The following FRY variants were observed in gnomAD, a reference collection of about 807,000 sequenced individuals.
FRY encodes FRY microtubule binding protein, also known as protein furry homolog.
A neutral mutation model predicts 348.4 loss-of-function variants in FRY; 128 were observed. The observed-to-expected ratio is 0.37, with a 90% CI of 0.32 to 0.43. FRY has a LOEUF of 0.43. Ranked by LOEUF, FRY falls within the 20% of genes least tolerant of loss-of-function variation. FRY has a pLI of 1.00. For synonymous variants in FRY, 1,370 were observed against 1,374.7 expected, an observed-to-expected ratio of 1.00 and a Z score of 0.08; for missense variants, 2,736 against 3,695.2, an observed-to-expected ratio of 0.74 and a Z score of 6.73.
intron 14 of FRY, among the ~76,000 whole-genome samples, chr13:32,155,137 G>A (rs1183159428): frequency 6.6e-6 from 1 of 152,070 alleles, no homozygotes; most frequent in African/African-American, 2.4e-5. Flanking sequence ...CTTCTTCCAG[G>A]AGACGTATGA....
At chr13:32,087,271 T>C (rs1444097487) in intron 2 of FRY, among the ~76,000 whole-genome samples, 1 of 152,230 alleles carries the variant, frequency 6.6e-6, no homozygotes, top group Non-Finnish European at 1.5e-5. Flanking sequence ...GCCAGGCAAT[T>C]AGCTAATGAC....
chr13:32,064,235 G>GA (rs1476657236), intron 1 of FRY, among the ~76,000 whole-genome samples: 2 of 152,096 alleles, frequency 1.3e-5, no homozygotes, highest in East Asian at 3.9e-4. Context: ...GTGAGCATGT[G>GA]AGCCATCACC....
chr13:32,068,384 G>A (rs1468868362), intron 1 of FRY, among the ~76,000 whole-genome samples: 1 of 152,146 alleles, frequency 6.6e-6, no homozygotes, highest in South Asian at 2.1e-4. Context: ...CCTCTAGCAG[G>A]TTATTCGATC....
chr13:32,108,514 A>C (rs180702010), intron 3 of FRY, among the ~76,000 whole-genome samples: 3 of 152,374 alleles, frequency 2.0e-5, no homozygotes, highest in African/African-American at 7.2e-5. Flanking sequence ...AATATGACTC[A>C]CATAGAGATA....
At position 32,184,602 on chromosome 13, in the gene FRY, C is replaced by T. The variant is rs28673560; in HGVS notation, c.3057C>T (p.Asn1019=). The part of the protein sequence containing the change: ...MKEALERRPE[N]KKRRERRDLL... ...TGATACTACCTCTTTCTACACAGAA[C>T]AAGAAACGCCGAGAACGGCGAGACT... is the stretch of plus-strand genomic sequence containing the variant. The change falls in exon 25 of 61, where the codon AAC becomes AAT. Residue 1019 remains asparagine (N), a splice_region_variant and synonymous_variant. Transcript: ENST00000542859. 550 of 1,608,318 alleles carry T rather than the reference C, an allele frequency of 3.4e-4. No individual in the cohort carries two copies. The African/African-American group carries it at 6.6e-3, about 19-fold the overall frequency.
chr13:32,168,068 G>A (rs544589059), intron 17 of FRY, among the ~76,000 whole-genome samples: 56 of 152,284 alleles, frequency 3.7e-4, no homozygotes, highest in African/African-American at 1.3e-3. Flanking sequence ...TTTATTGTAA[G>A]GAATTGGCTC....
intron 31 of FRY, among the ~76,000 whole-genome samples, chr13:32,204,220 G>A (rs550459012): frequency 6.6e-6 from 1 of 152,274 alleles, no homozygotes; most frequent in African/African-American, 2.4e-5. Flanking sequence ...TACCCCATAG[G>A]ATGTGAAGAT....
At chr13:32,057,082 T>C (rs539981813) in intron 1 of FRY, among the ~76,000 whole-genome samples, 179 of 152,226 alleles carry the variant, frequency 1.2e-3, no homozygotes, top group Non-Finnish European at 2.2e-3. Flanking sequence ...AGTTATTTCT[T>C]GCTTCCCATA....
intron 11 of FRY, among the ~76,000 whole-genome samples, chr13:32,138,660 G>A (rs953504597): frequency 9.2e-5 from 14 of 152,214 alleles, no homozygotes; most frequent in African/African-American, 3.4e-4. Flanking sequence ...GAAAGAGGAT[G>A]TAGAGTGAAT....
chr13:32,134,784 G>A (rs2138773246), intron 8 of FRY, 120 bp from the exon 9 acceptor site: 2 of 773,626 alleles, frequency 2.6e-6, no homozygotes, highest in Middle Eastern at 4.6e-4. Flanking sequence ...AATAGACTAT[G>A]GAATATGCTC....
At position 32,078,967 on chromosome 13, in the gene FRY, A is replaced by T. The variant is rs1378256405; in HGVS notation, c.204A>T (p.Lys68Asn). Residue 68 changes from lysine to asparagine, a missense_variant, in exon 2 of 61, where the codon AAA (lysine) becomes AAT (asparagine). By Grantham distance (94) the Lys-to-Asn change is moderately conservative. Around this residue, in one of 9 missense-constraint regions of FRY, gnomAD observed 309 missense variants for 418.1 expected, o/e 0.74. Coordinates refer to ENST00000542859, the MANE Select transcript of FRY (RefSeq NM_023037.3). ...PDSKPGEYVLKSLFVNFTTQA... is the reference protein window; with the variant it reads ...PDSKPGEYVLNSLFVNFTTQA... The stretch of plus-strand genomic sequence containing the variant: ...GTAAACCAGGAGAATATGTCCTCAA[A>T]AGTTTATTTGTCAACTTCACCACTC... The T allele has an allele frequency of 6.2e-7, 1 of 1,613,816 alleles. No individual in the cohort carries two copies. Among genetic ancestry groups the T allele is most frequent in the African/African-American group, 1.3e-5 (1 of 74,892 alleles).
chr13:32,257,518 A>C (rs1413516370), intron 51 of FRY, among the ~76,000 whole-genome samples: 3 of 152,262 alleles, frequency 2.0e-5, no homozygotes, highest in African/African-American at 4.8e-5. Context: ...AACAGTAAGC[A>C]TCATGATCAC....
chr13:32,106,433 A>G (rs886726175), intron 3 of FRY, among the ~76,000 whole-genome samples: 1 of 152,144 alleles, frequency 6.6e-6, no homozygotes, highest in Non-Finnish European at 1.5e-5. Context: ...AAAATCTTTT[A>G]TCAGTTATGA....
At chr13:32,090,363 A>AC (rs1876211092) in intron 2 of FRY, among the ~76,000 whole-genome samples, 1 of 150,846 alleles carries the variant, frequency 6.6e-6, no homozygotes, top group African/African-American at 2.4e-5. Flanking sequence ...AAAAAAAAAA[A>AC]AAAAAAAAAG....
Position 32,194,196 on chromosome 13 carries a change from C to T in FRY, c.3645C>T (p.Asp1215=), listed in dbSNP as rs368183527. The T allele has an allele frequency of 6.2e-7, 1 of 1,613,838 alleles. No homozygotes were observed. Among genetic ancestry groups the T allele is most frequent in the African/African-American group, 1.3e-5 (1 of 74,912 alleles). ...TCTTGCTACTGGAACTTAATCCTGA[C>T]CAAATAAATCTTTTTAACTGGGCAA... is the stretch of plus-strand genomic sequence containing the variant. The part of the protein sequence containing the change: ...VVVLLLELNP[D]QINLFNWAID... The change falls in exon 29 of 61, where the codon GAC becomes GAT. Residue 1215 remains aspartate (D), a synonymous_variant. Coordinates refer to ENST00000542859, the MANE Select transcript of FRY (RefSeq NM_023037.3).
intron 23 of FRY, among the ~76,000 whole-genome samples, chr13:32,182,569 A>G (rs1006048727): frequency 1.3e-5 from 2 of 152,194 alleles, no homozygotes; most frequent in African/African-American, 2.4e-5. Context: ...CAGGGGCTCA[A>G]TTTTATTTAT....
At chr13:32,198,344 A>G (rs1201360784) in intron 29 of FRY, among the ~76,000 whole-genome samples, 1 of 152,214 alleles carries the variant, frequency 6.6e-6, no homozygotes, top group Non-Finnish European at 1.5e-5. Context: ...CAGAAGACAG[A>G]GACATAGGTA....
intron 20 of FRY, among the ~76,000 whole-genome samples, chr13:32,177,564 A>T (rs1244996532): frequency 6.6e-6 from 1 of 151,908 alleles, no homozygotes; most frequent in Non-Finnish European, 1.5e-5. Flanking sequence ...ACTGCACTCC[A>T]GTCTGTGTGA....
chr13:32,184,620 G>A lies in FRY; in HGVS notation c.3075G>A (p.Arg1025=), dbSNP rs1475186611. 1.2e-6 allele frequency: 2 copies of A among 1,613,068 alleles called. No individual in the cohort carries two copies. The highest frequency in any genetic ancestry group is 4.5e-5 in the East Asian group (2 of 44,868). ...CACAGAACAAGAAACGCCGAGAACG[G>A]CGAGACTTGTTAAGGCTACAACTAC... The part of the protein sequence containing the change: ...RRPENKKRRE[R]RDLLRLQLLR... The change falls in exon 25 of 61, where the codon CGG becomes CGA. Residue 1025 remains arginine, a synonymous_variant. Coordinates refer to ENST00000542859, the MANE Select transcript of FRY (RefSeq NM_023037.3).
Sources: gnomAD v4.1 joint callset for allele counts (sites outside exome capture counted in the v4.1 genomes callset) on GRCh38, gnomAD v4.1.1 for gene constraint, gnomAD v4.1.1 regional missense constraint, MANE v1.5 for transcripts, NCBI Gene and HGNC (gene_info 2026-07-23, HGNC 2026-07-21) for gene names.